The following RCC1 variants were observed in gnomAD, a reference collection of about 807,000 sequenced individuals.
The protein encoded by RCC1 is regulator of chromosome condensation.
A neutral mutation model predicts 44.4 loss-of-function variants in RCC1; 11 were observed. The observed-to-expected ratio is 0.25, with a 90% CI of 0.16 to 0.41. The LOEUF is 0.41. Ranked by LOEUF, RCC1 falls within the 10% of genes least tolerant of loss-of-function variation. The pLI, the probability that RCC1 is intolerant of heterozygous loss-of-function variation, is 1.00. For synonymous variants in RCC1, 213 were observed against 216.5 expected, an observed-to-expected ratio of 0.98 and a Z score of 0.14; for missense variants, 386 against 547.1, an observed-to-expected ratio of 0.71 and a Z score of 2.94.
Position 28,535,154 on chromosome 1 carries a change from T to A in RCC1, c.538+8T>A. On this transcript the variant is annotated splice_region_variant and intron_variant, in intron 8 of 12. Transcript: ENST00000683442. Reference sequence around the variant, plus strand: ...TGGTAAAGGTGGCCTCAGGTGGGTCTGGGGGCACTTGCTCAGGGCAGGAGT... The same window carrying A: ...TGGTAAAGGTGGCCTCAGGTGGGTCAGGGGGCACTTGCTCAGGGCAGGAGT... The A allele has an allele frequency of 6.2e-7, 1 of 1,614,028 alleles. No homozygotes were observed. The highest frequency in any genetic ancestry group is 1.3e-5 in the African/African-American group (1 of 75,070).
intron 3 of RCC1, among the ~76,000 whole-genome samples, chr1:28,515,820 G>C (rs1034190507): frequency 4.6e-5 from 7 of 152,188 alleles, no homozygotes; most frequent in African/African-American, 1.7e-4. Flanking sequence ...GCCAAGATGG[G>C]CAGGTCACCT....
chr1:28,507,109 C>A (rs183171280), intron 1 of RCC1: 226 of 232,212 alleles, frequency 9.7e-4, no homozygotes, highest in African/African-American at 4.7e-3. Context: ...CCACGTGTTT[C>A]ATTTGAATTT....
At chr1:28,528,285 G>A (rs777307942) in intron 4 of RCC1, among the ~76,000 whole-genome samples, 86 of 151,984 alleles carry the variant, frequency 5.7e-4, no homozygotes, top group Non-Finnish European at 1.1e-3. Context: ...GTGAAACCTC[G>A]TCTCTACTAA....
At chr1:28,523,440 T>C (rs745752632) in intron 4 of RCC1, among the ~76,000 whole-genome samples, 1 of 152,204 alleles carries the variant, frequency 6.6e-6, no homozygotes, top group Non-Finnish European at 1.5e-5. Flanking sequence ...CTCAGTTTTC[T>C]TCTCTGTAGA....
intron 4 of RCC1, among the ~76,000 whole-genome samples, chr1:28,525,680 A>C (rs1053094232): frequency 2.1e-4 from 32 of 152,344 alleles, no homozygotes; most frequent in African/African-American, 6.7e-4. Flanking sequence ...GAACTGGGCC[A>C]GTGACAACCT....
intron 3 of RCC1, among the ~76,000 whole-genome samples, chr1:28,513,865 A>G (rs1297495178): frequency 6.6e-6 from 1 of 152,192 alleles, no homozygotes; most frequent in Non-Finnish European, 1.5e-5. Flanking sequence ...GAATACAGGC[A>G]TGAGTCACCA....
At chr1:28,526,467 C>T in intron 4 of RCC1, 1 of 546,274 alleles carries the variant, frequency 1.8e-6, no homozygotes, top group Middle Eastern at 2.9e-4. Context: ...ACCATTCTTT[C>T]TTGGTGTATT....
chr1:28,509,371 AGCTGCGACTACAGGCGT>A lies in RCC1; in HGVS notation c.-153+468_-153+484del, dbSNP rs535270771. 258 of 170,228 alleles carry A rather than the reference AGCTGCGACTACAGGCGT, an allele frequency of 1.5e-3. 1 individual carries two copies. The highest frequency in any genetic ancestry group is 5.6e-3 in the African/African-American group (235 of 41,622). The allele number at this position is 170,228 out of a possible 1,614,324, so 10.5% of individuals were successfully genotyped here. A position where few individuals can be genotyped will look rare whatever the true frequency, so the allele number is the denominator to read the frequency against. On this transcript the variant is annotated intron_variant, in intron 3 of 12. Coordinates refer to ENST00000683442, the MANE Select transcript of RCC1 (RefSeq NM_001381865.2). Reference sequence around the variant, plus strand: ...ATTCTCCTGCCTCAGCCTCCCAAGTAGCTGCGACTACAGGCGTGTAGCACCACACCTGGCTAATTTTT... The same window carrying A: ...ATTCTCCTGCCTCAGCCTCCCAAGTAGTAGCACCACACCTGGCTAATTTTT...
intron 5 of RCC1, among the ~76,000 whole-genome samples, chr1:28,530,190 C>CT (rs1411560417): frequency 6.6e-6 from 1 of 151,540 alleles, no homozygotes; most frequent in Non-Finnish European, 1.5e-5. Flanking sequence ...GACCCTAGGG[C>CT]TTCACCCCAG....
At chr1:28,511,749 C>T (rs1392759785) in intron 3 of RCC1, among the ~76,000 whole-genome samples, 3 of 151,150 alleles carry the variant, frequency 2.0e-5, no homozygotes, top group East Asian at 1.9e-4. Flanking sequence ...CAACCTCCAC[C>T]TCCCGGGTTC....
rs780391261 is a variant in RCC1, at chr1:28,531,994, G to T, written c.261+4G>T. The T allele has an allele frequency of 6.4e-7, 1 of 1,567,978 alleles. No homozygotes were observed. Among genetic ancestry groups the T allele is most frequent in the African/African-American group, 1.4e-5 (1 of 73,860 alleles). On this transcript the variant is annotated splice_donor_region_variant and intron_variant, in intron 6 of 12. Transcript: ENST00000683442. ...GTGTCTAAGCAAAAGTGGCCAGGTA[G>T]GTGTTGGGGACTGGCACAGGGTTGG...
chr1:28,518,100 T>TCCCCCAGCCC (rs1663002785), intron 4 of RCC1: 7 of 151,788 alleles, frequency 4.6e-5, no homozygotes, highest in Non-Finnish European at 1.0e-4. Context: ...GGAGCCAGCC[T>TCCCCCAGCCC]GGCCAAGGGC....
At chr1:28,531,728 C>A in intron 5 of RCC1, 75 bp from the exon 6 acceptor site, 1 of 1,316,774 alleles carries the variant, frequency 7.6e-7, no homozygotes, top group South Asian at 1.8e-5. Context: ...ACAGGTTTGT[C>A]TGATCCCAGA....
In RCC1 at chr1:28,535,357, A is replaced by G; in HGVS notation, c.638A>G (p.Asn213Ser). The G allele has an allele frequency of 1.2e-6, 2 of 1,614,148 alleles. No homozygotes were observed. The highest frequency in any genetic ancestry group is 1.1e-5 in the South Asian group (1 of 91,082). Residue 213 changes from asparagine to serine, a missense_variant, in exon 9 of 13, where the codon AAC becomes AGC. Physicochemically the swap from Asn to Ser is conservative, Grantham distance 46. Transcript: ENST00000683442. ...GGCCGTGTGCCTGAGTTATTTGCCA[A>G]CCGTGGTGGCCGGCAAGGCCTCGGT... ...QLGRVPELFA[N>S]RGGRQGLERL...
chr1:28,520,885 C>T (rs1663226042), intron 4 of RCC1, among the ~76,000 whole-genome samples: 1 of 152,074 alleles, frequency 6.6e-6, no homozygotes, highest in Admixed American at 6.6e-5. Context: ...CAAGACCAGC[C>T]TGGCCGACAT....
At position 28,531,259 on chromosome 1, in the gene RCC1, C is replaced by CTTTTTTTTTT. The variant is rs769808394; in HGVS notation, c.74-539_74-538insTTTTTTTTTT. Among the ~76,000 whole-genome samples the CTTTTTTTTTT allele has an allele frequency of 3.9e-4, 52 of 132,440 alleles. 1 individual carries two copies. Among genetic ancestry groups the CTTTTTTTTTT allele is most frequent in the African/African-American group, 5.3e-4 (17 of 32,130 alleles). 86.9% of individuals were successfully genotyped at this position (132,440 alleles called of 152,430 possible). On this transcript the variant is annotated intron_variant, in intron 5 of 12. Coordinates refer to ENST00000683442, the MANE Select transcript of RCC1 (RefSeq NM_001381865.2). ...CAATAACAATAATTAGCTTTCTTTTCTTTTTCTTTTTTTTTTTTTTTTTGA... is the reference window on the plus strand; with the variant it reads ...CAATAACAATAATTAGCTTTCTTTTCTTTTTTTTTTTTTTTCTTTTTTTTTTTTTTTTTGA...
At chr1:28,535,757 G>A in intron 9 of RCC1, 114 bp from the exon 10 acceptor site, 1 of 1,121,758 alleles carries the variant, frequency 8.9e-7, no homozygotes, top group Non-Finnish European at 1.3e-6. Flanking sequence ...ATAGGGATAA[G>A]AGTCCCTACT....
intron 7 of RCC1, 41 bp from the exon 8 acceptor site, chr1:28,535,009 A>G: frequency 6.5e-7 from 1 of 1,530,914 alleles, no homozygotes; most frequent in Non-Finnish European, 9.1e-7. Context: ...GGCACGGGGC[A>G]GGCAGGACTG....
intron 4 of RCC1, among the ~76,000 whole-genome samples, chr1:28,528,912 G>T (rs1156984693): frequency 2.2e-5 from 3 of 139,252 alleles, no homozygotes; most frequent in Non-Finnish European, 4.5e-5. Context: ...CTGGAGTGCT[G>T]AGTGCAATGG....
Sources: allele counts gnomAD v4.1 joint callset (sites outside exome capture counted in the v4.1 genomes callset), GRCh38; gene constraint gnomAD v4.1.1; transcripts MANE v1.5; gene names NCBI Gene and HGNC (gene_info 2026-07-23, HGNC 2026-07-21).